The following DCLK2 variants were observed in gnomAD, a reference collection of about 807,000 sequenced individuals.
The protein encoded by DCLK2 is doublecortin like kinase 2.
In DCLK2, 31 loss-of-function variants were observed where a neutral mutation model predicts 78.4. The ratio of observed to expected loss-of-function variants is 0.40; its 90% confidence interval spans 0.30 to 0.53. The LOEUF (loss-of-function observed/expected upper bound fraction) is 0.53, where lower values mean the gene tolerates loss of function less well. Ranked by LOEUF, DCLK2 falls within the 20% of genes least tolerant of loss-of-function variation. DCLK2 has a pLI of 0.61. For missense variants in DCLK2, 872 were observed against 973.7 expected (o/e 0.90, Z 1.39); for synonymous variants, 407 against 374.9 (o/e 1.09, Z -0.99).
In DCLK2 at chr4:150,078,643, T is replaced by G; in HGVS notation, c.-385T>G. The G allele has an allele frequency of 6.4e-6, 1 of 155,184 alleles. No homozygotes were observed. Among genetic ancestry groups the G allele is most frequent in the Non-Finnish European group, 1.4e-5 (1 of 70,242 alleles). The allele number at this position is 155,184 out of a possible 1,614,324, so 9.6% of individuals were successfully genotyped here. ...GGGAGCGCTCGGCAGACGCCCGAGC[T>G]TTGTGGGCGCCCGCGGGCCCAGCGC... On this transcript the variant is annotated 5_prime_UTR_variant, in exon 1 of 16. Transcript: ENST00000296550.
intron 4 of DCLK2, chr4:150,198,958 G>A (rs981138699): frequency 1.7e-5 from 17 of 992,720 alleles, no homozygotes; most frequent in South Asian, 1.2e-4. Context: ...CCTTTTGAAC[G>A]CACATTTAGA....
At chr4:150,204,162 T>C (rs1376089943) in intron 5 of DCLK2, among the ~76,000 whole-genome samples, 1 of 152,212 alleles carries the variant, frequency 6.6e-6, no homozygotes, top group Admixed American at 6.5e-5. Flanking sequence ...TGGTAAAGTA[T>C]AATAAATAGT....
intron 14 of DCLK2, among the ~76,000 whole-genome samples, chr4:150,249,017 G>A (rs1743541745): frequency 6.6e-6 from 1 of 152,126 alleles, no homozygotes; most frequent in African/African-American, 2.4e-5. Flanking sequence ...GTTGACTCCG[G>A]TTGGGAAGCT....
At position 150,256,496 on chromosome 4, in the gene DCLK2, C is replaced by A; in HGVS notation, c.*249C>A. On this transcript the variant is annotated 3_prime_UTR_variant, in exon 16 of 16. Coordinates refer to ENST00000296550, the MANE Select transcript of DCLK2 (RefSeq NM_001040260.4). ...TTCTGCCAACAGCTGTTCGGAGAGACTCGTTCCAGATCATCCCGTCATTTT... is the reference window on the plus strand; with the variant it reads ...TTCTGCCAACAGCTGTTCGGAGAGAATCGTTCCAGATCATCCCGTCATTTT... 1 of 474,492 alleles carries A rather than the reference C, an allele frequency of 2.1e-6. No individual in the cohort carries two copies. The highest frequency in any genetic ancestry group is 3.7e-6 in the Non-Finnish European group (1 of 273,630). The allele number at this position is 474,492 out of a possible 1,614,324, so 29.4% of individuals were successfully genotyped here. A position where few individuals can be genotyped will look rare whatever the true frequency, so the allele number is the denominator to read the frequency against.
chr4:150,181,250 G>A (rs1309979973), intron 2 of DCLK2, among the ~76,000 whole-genome samples: 3 of 152,078 alleles, frequency 2.0e-5, no homozygotes. Flanking sequence ...TTACGATGGG[G>A]AAGAAAGGGA....
intron 1 of DCLK2, among the ~76,000 whole-genome samples, chr4:150,097,434 A>C (rs891288634): frequency 2.6e-5 from 4 of 152,152 alleles, no homozygotes; most frequent in Non-Finnish European, 5.9e-5. Flanking sequence ...AAATGCTGGG[A>C]TTACAGGCAT....
At chr4:150,128,422 G>A (rs12506111) in intron 2 of DCLK2, among the ~76,000 whole-genome samples, 14,422 of 152,162 alleles carry the variant, frequency 0.095, 886 homozygotes, top group Middle Eastern at 0.14. Context: ...ATTATGTAGC[G>A]CATACAATGC....
chr4:150,248,174 T>G, intron 13 of DCLK2, 131 bp from the exon 14 acceptor site: 1 of 704,416 alleles, frequency 1.4e-6, no homozygotes. Context: ...TAATCACGTT[T>G]AGGTTTGAAT....
chr4:150,172,204 T>C (rs1173925447), intron 2 of DCLK2, among the ~76,000 whole-genome samples: 1 of 152,178 alleles, frequency 6.6e-6, no homozygotes, highest in African/African-American at 2.4e-5. Flanking sequence ...ATGGAAATGC[T>C]CTTTGATGAA....
At chr4:150,168,216 G>C (rs1263387763) in intron 2 of DCLK2, among the ~76,000 whole-genome samples, 1 of 152,024 alleles carries the variant, frequency 6.6e-6, no homozygotes, top group South Asian at 2.1e-4. Flanking sequence ...GGTGGCAGGC[G>C]CCTGTAGTCC....
At chr4:150,249,510 GAC>G in intron 14 of DCLK2, 56 bp from the exon 15 acceptor site, 1 of 1,498,696 alleles carries the variant, frequency 6.7e-7, no homozygotes, top group East Asian at 2.3e-5. Flanking sequence ...TTAAGGAAAA[GAC>G]AACTCAAACG....
At chr4:150,229,876 A>G (rs905078681) in intron 8 of DCLK2, among the ~76,000 whole-genome samples, 2 of 152,236 alleles carry the variant, frequency 1.3e-5, no homozygotes, top group African/African-American at 4.8e-5. Context: ...TATTCATATT[A>G]TATTTAGAAA....
chr4:150,222,600 C>G (rs935233262), intron 7 of DCLK2, among the ~76,000 whole-genome samples: 1 of 152,034 alleles, frequency 6.6e-6, no homozygotes, highest in African/African-American at 2.4e-5. Flanking sequence ...AATCCCAGCA[C>G]TTTGGGAGGC....
chr4:150,199,765 T>A (rs774073093), intron 4 of DCLK2, among the ~76,000 whole-genome samples: 2 of 152,302 alleles, frequency 1.3e-5, no homozygotes, highest in South Asian at 2.1e-4. Context: ...ATATGAGACT[T>A]GCATAAATAC....
At chr4:150,191,464 G>A (rs747902725) in intron 2 of DCLK2, among the ~76,000 whole-genome samples, 1 of 152,022 alleles carries the variant, frequency 6.6e-6, no homozygotes, top group African/African-American at 2.4e-5. Context: ...AAGTAGAGAC[G>A]CTTGAAAACC....
chr4:150,163,257 G>A (rs951132324), intron 2 of DCLK2, among the ~76,000 whole-genome samples: 4 of 152,086 alleles, frequency 2.6e-5, no homozygotes, highest in South Asian at 2.1e-4. Context: ...AATTCACTGG[G>A]CGTGGTGGCA....
chr4:150,220,426 A>G (rs1326904923), intron 5 of DCLK2, among the ~76,000 whole-genome samples: 2 of 152,194 alleles, frequency 1.3e-5, no homozygotes, highest in Non-Finnish European at 2.9e-5. Flanking sequence ...ATCATGCCAT[A>G]GAGTCTTTTG....
At chr4:150,081,727 C>T (rs1275642367) in intron 1 of DCLK2, among the ~76,000 whole-genome samples, 1 of 151,168 alleles carries the variant, frequency 6.6e-6, no homozygotes, top group Non-Finnish European at 1.5e-5. Context: ...TACAATAGTT[C>T]ACGTCTGTAA....
At chr4:150,097,349 G>C (rs1218148274) in intron 1 of DCLK2, among the ~76,000 whole-genome samples, 2 of 152,048 alleles carry the variant, frequency 1.3e-5, no homozygotes, top group East Asian at 1.9e-4. Context: ...TTTTAGTAGA[G>C]ACAGGGTTTT....
Sources: gnomAD v4.1 joint callset for allele counts (sites outside exome capture counted in the v4.1 genomes callset) on GRCh38, gnomAD v4.1.1 for gene constraint, MANE v1.5 for transcripts, NCBI Gene and HGNC (gene_info 2026-07-23, HGNC 2026-07-21) for gene names.